The following FAM20A variants were observed in gnomAD, a reference collection of about 807,000 sequenced individuals.
FAM20A encodes pseudokinase FAM20A.
In FAM20A, 42 loss-of-function variants were observed where a neutral mutation model predicts 52.0. The ratio of observed to expected loss-of-function variants is 0.81; its 90% confidence interval spans 0.63 to 1.04. FAM20A has a LOEUF of 1.04. Among genes scored for constraint, FAM20A ranks in the 50% least tolerant of loss-of-function variants. The pLI, the probability that FAM20A is intolerant of heterozygous loss-of-function variation, is 0.00. For missense variants in FAM20A, 742 were observed against 712.7 expected (o/e 1.04, Z -0.47); for synonymous variants, 304 against 298.9 (o/e 1.02, Z -0.18).
At chr17:68,596,624 C>G (rs577336126) in intron 1 of FAM20A, among the ~76,000 whole-genome samples, 1 of 152,308 alleles carries the variant, frequency 6.6e-6, no homozygotes, top group East Asian at 1.9e-4. Context: ...CTTATTCAAG[C>G]AAAGGACTAA....
rs1385730309 is a variant in FAM20A, at chr17:68,536,216, T to C, written c.*1261A>G. ...ATTTCTGGTTCTTGACCTTGTACTC[T>C]CTTTAGTGACAGCTCCATTCTATTC... On this transcript the variant is annotated 3_prime_UTR_variant, in exon 11 of 11. Transcript: ENST00000592554. 2.2e-6 allele frequency: 1 copy of C among 454,144 alleles called. No individual in the cohort carries two copies. The highest frequency in any genetic ancestry group is 6.9e-5 in the East Asian group (1 of 14,398). 28.1% of individuals were successfully genotyped at this position (454,144 alleles called of 1,614,324 possible).
chr17:68,576,899 G>C (rs1309091427), intron 1 of FAM20A, among the ~76,000 whole-genome samples: 1 of 152,112 alleles, frequency 6.6e-6, no homozygotes, highest in Admixed American at 6.5e-5. Flanking sequence ...GACATTCTAG[G>C]AGCTGGGACT....
Position 68,535,935 on chromosome 17 carries a change from C to G in FAM20A, c.*1542G>C, listed in dbSNP as rs927355177. On this transcript the variant is annotated 3_prime_UTR_variant, in exon 11 of 11. Coordinates refer to ENST00000592554, the MANE Select transcript of FAM20A (RefSeq NM_017565.4). ...TAAATTGTGTGATTTTGCTTACTCT[C>G]TCTGAGATTTAAAGTTCTTCCATGC... 1 of 454,008 alleles carries G rather than the reference C, an allele frequency of 2.2e-6. No homozygotes were observed. Among genetic ancestry groups the G allele is most frequent in the Non-Finnish European group, 4.4e-6 (1 of 226,816 alleles). The allele number at this position is 454,008 out of a possible 1,614,324, so 28.1% of individuals were successfully genotyped here.
At chr17:68,543,840 A>G (rs1415990749) in intron 4 of FAM20A, 119 bp from the exon 5 acceptor site, 2 of 868,620 alleles carry the variant, frequency 2.3e-6, no homozygotes, top group African/African-American at 3.3e-5. Flanking sequence ...TCATGTACAC[A>G]CAGGCGATGG....
At chr17:68,541,199 G>A (rs1049798452) in intron 7 of FAM20A, 4 of 520,308 alleles carry the variant, frequency 7.7e-6, no homozygotes, top group Non-Finnish European at 1.4e-5. Flanking sequence ...GGGATACTGT[G>A]TGCCAGAGGG....
chr17:68,578,969 C>A (rs1193123658), intron 1 of FAM20A, among the ~76,000 whole-genome samples: 1 of 147,452 alleles, frequency 6.8e-6, no homozygotes, highest in Non-Finnish European at 1.5e-5. Context: ...GAGCAGAGAT[C>A]GCGCCACTGC....
At chr17:68,560,698 T>C (rs180904279) in intron 1 of FAM20A, among the ~76,000 whole-genome samples, 1 of 152,342 alleles carries the variant, frequency 6.6e-6, no homozygotes, top group East Asian at 1.9e-4. Context: ...TAAATTCTTA[T>C]AAGTGTTGTT....
At chr17:68,558,906 A>C (rs915254096) in intron 1 of FAM20A, among the ~76,000 whole-genome samples, 3 of 152,122 alleles carry the variant, frequency 2.0e-5, no homozygotes, top group Non-Finnish European at 2.9e-5. Context: ...TTACAGGTGC[A>C]TGCCACCATG....
chr17:68,581,343 A>G (rs180920372), intron 1 of FAM20A, among the ~76,000 whole-genome samples: 1 of 95,346 alleles, frequency 1.0e-5, no homozygotes, highest in African/African-American at 4.1e-5. Context: ...TATCTCCGAA[A>G]TGCAGTTTTT....
chr17:68,541,385 AT>A, intron 7 of FAM20A: 1 of 220,874 alleles, frequency 4.5e-6, no homozygotes, highest in Non-Finnish European at 9.2e-6. Flanking sequence ...TCCGATGCCC[AT>A]TTTCATCCGA....
chr17:68,590,700 C>G (rs769719594), intron 1 of FAM20A, among the ~76,000 whole-genome samples: 65 of 152,222 alleles, frequency 4.3e-4, no homozygotes, highest in Admixed American at 1.8e-3. Flanking sequence ...GTGACTGTAG[C>G]AGACACAAGT....
chr17:68,559,620 AT>A, intron 1 of FAM20A, among the ~76,000 whole-genome samples: 1 of 152,336 alleles, frequency 6.6e-6, no homozygotes, highest in Admixed American at 6.5e-5. Flanking sequence ...AAAAAAGAGC[AT>A]TTTAAAACGT....
intron 1 of FAM20A, among the ~76,000 whole-genome samples, chr17:68,579,124 A>C (rs1026469923): frequency 6.6e-6 from 1 of 152,094 alleles, no homozygotes; most frequent in Non-Finnish European, 1.5e-5. Context: ...GGGAAGCATG[A>C]AGAGACTCCA....
intron 1 of FAM20A, among the ~76,000 whole-genome samples, chr17:68,591,159 T>G (rs1298170454): frequency 6.6e-6 from 1 of 152,098 alleles, no homozygotes; most frequent in Admixed American, 6.5e-5. Flanking sequence ...CAGGCTGGAG[T>G]GCAGTGGCGC....
At chr17:68,588,600 C>T (rs1375788906) in intron 1 of FAM20A, among the ~76,000 whole-genome samples, 1 of 152,364 alleles carries the variant, frequency 6.6e-6, no homozygotes, top group East Asian at 1.9e-4. Flanking sequence ...CTTTGGCTAG[C>T]AGATGGCTGC....
intron 4 of FAM20A, chr17:68,551,162 G>C (rs1433500276): frequency 8.2e-7 from 1 of 1,225,926 alleles, no homozygotes; most frequent in Non-Finnish European, 1.0e-6. Flanking sequence ...CTAACCTGTG[G>C]GCTGCAGATC....
At chr17:68,599,149 A>T (rs558546972) in intron 1 of FAM20A, among the ~76,000 whole-genome samples, 23 of 152,336 alleles carry the variant, frequency 1.5e-4, no homozygotes, top group African/African-American at 5.5e-4. Context: ...AGCATTACAA[A>T]ATAATGAGCA....
rs552992899 is a variant in FAM20A at position 68,575,631 on chromosome 17, TA to T, written c.405-19889del. ...TATATTCTATATTATATATAAAATA[TA>T]ATATAGAATATTATATTTTATATAT... On this transcript the variant is annotated intron_variant, in intron 1 of 10. Coordinates refer to ENST00000592554, the MANE Select transcript of FAM20A (RefSeq NM_017565.4). Among the ~76,000 whole-genome samples the T allele has an allele frequency of 0.011, 1,201 of 111,152 alleles. 95 individuals are homozygous for T. The South Asian group carries it at 0.16, about 14-fold the overall frequency. 72.9% of individuals were successfully genotyped at this position (111,152 alleles called of 152,430 possible).
chr17:68,588,886 T>C (rs1249070627), intron 1 of FAM20A, among the ~76,000 whole-genome samples: 1 of 152,230 alleles, frequency 6.6e-6, no homozygotes. Context: ...CTTTAACATA[T>C]GGCACGGGGT....
Sources: gnomAD v4.1 joint callset for allele counts (sites outside exome capture counted in the v4.1 genomes callset) on GRCh38, gnomAD v4.1.1 for gene constraint, MANE v1.5 for transcripts, NCBI Gene and HGNC (gene_info 2026-07-23, HGNC 2026-07-21) for gene names.